Variants in ANKRD12 observed in about 807,000 individuals in gnomAD.
ANKRD12 encodes ankyrin repeat domain-containing protein 12.
ANKRD12 carries 85 observed loss-of-function variants against 183.4 expected under a neutral mutation model. The ratio of observed to expected loss-of-function variants is 0.46; its 90% CI spans 0.39 to 0.56. The LOEUF is 0.56. ANKRD12 is among the 20% of genes least tolerant of loss of function. The pLI, the probability that ANKRD12 is intolerant of heterozygous loss-of-function variation, is 0.00. For synonymous variants in ANKRD12, 914 were observed against 800.2 expected, an observed-to-expected ratio of 1.14 and a Z score of -2.40; for missense variants, 2,405 against 2,357.1, an observed-to-expected ratio of 1.02 and a Z score of -0.42.
intron 1 of ANKRD12, among the ~76,000 whole-genome samples, chr18:9,149,785 TTTATTAAA>T (rs1180892223): frequency 5.5e-5 from 8 of 144,534 alleles, no homozygotes; most frequent in Non-Finnish European, 1.1e-4. Flanking sequence ...TATTTATTTA[TTTATTAAA>T]TTTTATTTTT....
Position 9,204,725 on chromosome 18 carries a change from T to G in ANKRD12, c.304+181T>G, listed in dbSNP as rs531205137. The stretch of plus-strand genomic sequence containing the variant: ...GCTCCTAGGTACTCAGTGTATCATA[T>G]CTAACACAAGCTATGTGTGAACCTT... On this transcript the variant is annotated intron_variant, in intron 4 of 12. Coordinates refer to ENST00000262126, the MANE Select transcript of ANKRD12 (RefSeq NM_015208.5). 3.3e-5 allele frequency among the ~76,000 whole-genome samples: 5 copies of G among 152,360 alleles called. No homozygotes were observed. The East Asian group carries it at 9.6e-4, about 29-fold the overall frequency.
Position 9,285,075 on chromosome 18 carries a change from C to G in ANKRD12, c.*3949C>G, listed in dbSNP as rs762215827. ...ATGCAAAAAATCAGCCGGGTGTGGC[C>G]GCGGGCGCCTGTAGTTCCAGCTACT... is the stretch of plus-strand genomic sequence containing the variant. On this transcript the variant is annotated 3_prime_UTR_variant, in exon 13 of 13. Coordinates refer to ENST00000262126, the MANE Select transcript of ANKRD12 (RefSeq NM_015208.5). 6.6e-6 allele frequency: 1 copy of G among 152,076 alleles called. No individual in the cohort carries two copies. The highest frequency in any genetic ancestry group is 1.9e-4 in the East Asian group (1 of 5,188). 9.4% of individuals were successfully genotyped at this position (152,076 alleles called of 1,614,324 possible).
intron 3 of ANKRD12, 62 bp from the exon 4 acceptor site, chr18:9,204,414 T>C (rs1172353989): frequency 2.1e-5 from 26 of 1,214,654 alleles, no homozygotes; most frequent in Non-Finnish European, 3.0e-5. Flanking sequence ...TGTTGGTTTG[T>C]TGAATTCTGC....
chr18:9,155,456 G>C (rs960224975), intron 1 of ANKRD12, among the ~76,000 whole-genome samples: 1 of 152,146 alleles, frequency 6.6e-6, no homozygotes, highest in Non-Finnish European at 1.5e-5. Flanking sequence ...TTACATATTT[G>C]TGTAAGTACA....
At chr18:9,205,300 TCTG>T (rs1315755382) in intron 4 of ANKRD12, among the ~76,000 whole-genome samples, 110 of 143,188 alleles carry the variant, frequency 7.7e-4, no homozygotes, top group Non-Finnish European at 8.5e-4. Context: ...CATTGTTATC[TCTG>T]AGCTTAAATA....
chr18:9,254,277 A>G lies in ANKRD12; in HGVS notation c.1010A>G (p.Lys337Arg). The change falls in exon 9 of 13, where the codon AAA (lysine) becomes AGA (arginine). Residue 337 changes from lysine (K) to arginine (R), a missense_variant. Lys to Arg is a conservative substitution (Grantham distance 26). Transcript: ENST00000262126. ...GAAAATATTGACTCTGAAACAGAGAAAGACTCTCTCATCTGTGAAAGTAAA... is the reference window on the plus strand; with the variant it reads ...GAAAATATTGACTCTGAAACAGAGAGAGACTCTCTCATCTGTGAAAGTAAA... Reference protein sequence around the residue: ...VDENIDSETEKDSLICESKQI... With the variant: ...VDENIDSETERDSLICESKQI... The G allele has an allele frequency of 6.2e-7, 1 of 1,609,874 alleles. No individual in the cohort carries two copies. The highest frequency in any genetic ancestry group is 8.5e-7 in the Non-Finnish European group (1 of 1,178,544).
chr18:9,254,063 T>C, intron 8 of ANKRD12, 148 bp from the exon 9 acceptor site: 1 of 946,198 alleles, frequency 1.1e-6, no homozygotes, highest in South Asian at 3.2e-5. Flanking sequence ...ACATTGCTAT[T>C]ACATTATTTC....
At chr18:9,253,949 T>C (rs1020763691) in intron 8 of ANKRD12, among the ~76,000 whole-genome samples, 6 of 152,180 alleles carry the variant, frequency 3.9e-5, no homozygotes. Flanking sequence ...ATACTATATA[T>C]TGTGATTTTA....
At position 9,257,450 on chromosome 18, in the gene ANKRD12, G is replaced by A. The variant is rs147675521; in HGVS notation, c.4183G>A (p.Val1395Met). The change falls in exon 9 of 13, where the codon GTG (valine) becomes ATG (methionine). Residue 1395 changes from valine to methionine, a missense_variant. By Grantham distance (21) the Val-to-Met change is conservative (BLOSUM62 1). Transcript: ENST00000262126. ...AAATCTCATCAAGAATACTGCCCCA[G>A]TGAACACTGTAATGGACAGTCCAGT... ...DRNLIKNTAP[V>M]NTVMDSPVHL... 26 of 1,614,090 alleles carry A rather than the reference G, an allele frequency of 1.6e-5. No homozygotes were observed. In the African/African-American group the frequency reaches 2.7e-4, roughly 17 times the overall value.
In ANKRD12 at chr18:9,255,162, C is replaced by A. The variant is rs765696928; in HGVS notation, c.1895C>A (p.Thr632Lys). 6 of 1,579,600 alleles carry A rather than the reference C, an allele frequency of 3.8e-6. No individual in the cohort carries two copies. The Admixed American group carries it at 1.2e-4, about 30-fold the overall frequency. The change falls in exon 9 of 13, where the codon ACA becomes AAA. Residue 632 changes from threonine to lysine, a missense_variant. Coordinates refer to ENST00000262126, the MANE Select transcript of ANKRD12 (RefSeq NM_015208.5). ...ATAAAGGATGAAGATCATAGTCCAA[C>A]ATTTGAAAATTCAGATTGCACACTG... Reference protein sequence around the residue: ...AKIKDEDHSPTFENSDCTLKK... With the variant: ...AKIKDEDHSPKFENSDCTLKK...
At chr18:9,205,322 ATTTTT>A (rs11352784) in intron 4 of ANKRD12, among the ~76,000 whole-genome samples, 1 of 151,274 alleles carries the variant, frequency 6.6e-6, no homozygotes, top group East Asian at 1.9e-4. Context: ...TAAAAATATG[ATTTTT>A]TTTTAGTCCC....
chr18:9,188,181 C>T (rs1598493672), intron 2 of ANKRD12, among the ~76,000 whole-genome samples: 1 of 152,282 alleles, frequency 6.6e-6, no homozygotes, highest in East Asian at 1.9e-4. Flanking sequence ...GTGCCTGTTC[C>T]CTGAGCCTCG....
rs201690826 is a variant in ANKRD12 at position 9,256,788 on chromosome 18, C to T, written c.3521C>T (p.Thr1174Ile). Residue 1174 changes from threonine (T) to isoleucine (I), a missense_variant, in exon 9 of 13, where the codon ACT becomes ATT. Physicochemically the swap from Thr to Ile is moderately conservative, Grantham distance 89. Coordinates refer to ENST00000262126, the MANE Select transcript of ANKRD12 (RefSeq NM_015208.5). The stretch of plus-strand genomic sequence containing the variant: ...TCTGTTGACACCAAAAATGTAATGA[C>T]TTTAGGGAAGTCATCTTTTGTTTCA... ...SQSVDTKNVM[T>I]LGKSSFVSDN... 3.6e-5 allele frequency: 58 copies of T among 1,613,964 alleles called. No individual in the cohort carries two copies. The East Asian group carries it at 1.2e-3, about 33-fold the overall frequency.
At chr18:9,169,027 G>A (rs2032398226) in intron 1 of ANKRD12, among the ~76,000 whole-genome samples, 1 of 152,056 alleles carries the variant, frequency 6.6e-6, no homozygotes, top group Non-Finnish European at 1.5e-5. Flanking sequence ...TAGCTGAGTG[G>A]TTTTGAGTGA....
intron 8 of ANKRD12, among the ~76,000 whole-genome samples, chr18:9,243,140 G>A (rs2037756840): frequency 6.6e-6 from 1 of 152,110 alleles, no homozygotes; most frequent in Non-Finnish European, 1.5e-5. Flanking sequence ...ACTTGTTTAG[G>A]CAACATAAAT....
chr18:9,158,236 A>G (rs1161481732), intron 1 of ANKRD12, among the ~76,000 whole-genome samples: 1 of 152,200 alleles, frequency 6.6e-6, no homozygotes, highest in Non-Finnish European at 1.5e-5. Flanking sequence ...TTACATTGGG[A>G]TGATACATAT....
chr18:9,149,774 T>G (rs1422912903), intron 1 of ANKRD12, among the ~76,000 whole-genome samples: 2 of 144,088 alleles, frequency 1.4e-5, no homozygotes, highest in East Asian at 3.9e-4. Flanking sequence ...TTGTAATGAT[T>G]TATTTATTTA....
At chr18:9,155,736 C>T (rs553526073) in intron 1 of ANKRD12, among the ~76,000 whole-genome samples, 300 of 151,912 alleles carry the variant, frequency 2.0e-3, no homozygotes, top group Non-Finnish European at 2.4e-3. Context: ...GTTTTTTGTT[C>T]TTTGTTCATG....
chr18:9,186,852 C>G (rs1259591087), intron 2 of ANKRD12, among the ~76,000 whole-genome samples: 2 of 150,722 alleles, frequency 1.3e-5, no homozygotes, highest in African/African-American at 4.9e-5. Context: ...CCTGGGTTCA[C>G]GCCATTCTCC....
Sources: allele counts gnomAD v4.1 joint callset (sites outside exome capture counted in the v4.1 genomes callset), GRCh38; gene constraint gnomAD v4.1.1; transcripts MANE v1.5; gene names NCBI Gene and HGNC (gene_info 2026-07-23, HGNC 2026-07-21).